The following PTPN4 variants were observed in gnomAD, a reference collection of about 807,000 sequenced individuals.
PTPN4 encodes tyrosine-protein phosphatase non-receptor type 4.
A neutral mutation model predicts 135.5 loss-of-function variants in PTPN4; 49 were observed. The observed-to-expected ratio is 0.36, with a 90% CI of 0.29 to 0.46. PTPN4 has a LOEUF of 0.46. PTPN4 is among the 20% of genes least tolerant of loss of function. The probability of loss-of-function intolerance (pLI) is 1.00; values close to 1 mark genes in which losing one functional copy is unlikely to be tolerated. For synonymous variants in PTPN4, 333 were observed against 369.9 expected (o/e 0.90, Z 1.14); for missense variants, 860 against 1,101.0 (o/e 0.78, Z 3.10).
intron 1 of PTPN4, among the ~76,000 whole-genome samples, chr2:119,765,043 G>A (rs1370314302): frequency 6.6e-6 from 1 of 152,178 alleles, no homozygotes; most frequent in Non-Finnish European, 1.5e-5. Context: ...TCTGAGTCAG[G>A]AGTCAAATCT....
intron 13 of PTPN4, among the ~76,000 whole-genome samples, chr2:119,927,026 T>C (rs1678834738): frequency 6.6e-6 from 1 of 152,018 alleles, no homozygotes; most frequent in African/African-American, 2.4e-5. Context: ...ATTTAAATTA[T>C]AATGTTAAGA....
At chr2:119,907,246 A>G (rs925820597) in intron 10 of PTPN4, among the ~76,000 whole-genome samples, 4 of 152,216 alleles carry the variant, frequency 2.6e-5, no homozygotes, top group Non-Finnish European at 2.9e-5. Context: ...TACAGATTCA[A>G]TGCAACATCT....
chr2:119,888,125 T>C (rs1380586805), intron 9 of PTPN4, among the ~76,000 whole-genome samples: 1 of 152,192 alleles, frequency 6.6e-6, no homozygotes, highest in Non-Finnish European at 1.5e-5. Context: ...GTAGCTATTG[T>C]AAATGGGATT....
chr2:119,919,806 A>T (rs904786760), intron 11 of PTPN4, among the ~76,000 whole-genome samples: 1 of 146,566 alleles, frequency 6.8e-6, no homozygotes, highest in African/African-American at 2.6e-5. Context: ...CATGGATGAC[A>T]GAGTGAGACT....
intron 1 of PTPN4, among the ~76,000 whole-genome samples, chr2:119,798,745 A>T (rs532809373): frequency 6.6e-6 from 1 of 152,252 alleles, no homozygotes; most frequent in Non-Finnish European, 1.5e-5. Flanking sequence ...CTTTAGGTCT[A>T]TATTTATTTG....
intron 10 of PTPN4, among the ~76,000 whole-genome samples, chr2:119,906,631 A>G (rs1462360406): frequency 6.6e-6 from 1 of 151,174 alleles, no homozygotes; most frequent in Non-Finnish European, 1.5e-5. Context: ...CATGATAAAA[A>G]CTCTCAACAA....
intron 1 of PTPN4, among the ~76,000 whole-genome samples, chr2:119,769,450 C>G (rs1284574107): frequency 6.6e-6 from 1 of 152,090 alleles, no homozygotes; most frequent in African/African-American, 2.4e-5. Context: ...GAGTGGGGAG[C>G]CAGGAAGTGG....
At chr2:119,831,928 C>G (rs547159831) in intron 2 of PTPN4, among the ~76,000 whole-genome samples, 4 of 152,300 alleles carry the variant, frequency 2.6e-5, no homozygotes, top group Non-Finnish European at 5.9e-5. Context: ...GGTTTTCTGA[C>G]TACGTCATAG....
At chr2:119,852,655 T>C (rs1462719268) in intron 2 of PTPN4, among the ~76,000 whole-genome samples, 1 of 152,200 alleles carries the variant, frequency 6.6e-6, no homozygotes, top group Admixed American at 6.5e-5. Flanking sequence ...AGATTTCTGC[T>C]CTTTCCTGTA....
Position 119,813,928 on chromosome 2 carries a change from A to AT in PTPN4, c.138+3937_138+3938insT, listed in dbSNP as rs957716176. On this transcript the variant is annotated intron_variant, in intron 2 of 26. Transcript: ENST00000263708. ...ATAGCTACCATATTTAAGGAGTCAG[A>AT]GATGATGAAAGACAGGTTTAATTTT... Among the ~76,000 whole-genome samples the AT allele has an allele frequency of 1.6e-4, 25 of 152,236 alleles. 1 individual carries two copies. Among genetic ancestry groups the AT allele is most frequent in the African/African-American group, 6.0e-4 (25 of 41,530 alleles).
chr2:119,918,142 A>G (rs191712594), intron 11 of PTPN4, among the ~76,000 whole-genome samples: 2 of 152,370 alleles, frequency 1.3e-5, no homozygotes. Context: ...ACTATTAACC[A>G]TAATTAAGAC....
intron 15 of PTPN4, among the ~76,000 whole-genome samples, chr2:119,939,749 C>G (rs184159544): frequency 6.6e-6 from 1 of 152,168 alleles, no homozygotes; most frequent in African/African-American, 2.4e-5. Flanking sequence ...TCCTCCACCC[C>G]TCTCAGCTAC....
chr2:119,970,577 C>T (rs1679517476), intron 26 of PTPN4, among the ~76,000 whole-genome samples: 1 of 152,174 alleles, frequency 6.6e-6, no homozygotes, highest in Non-Finnish European at 1.5e-5. Context: ...TCTTTTCTAA[C>T]TGGCTTCTTT....
At chr2:119,907,056 A>G (rs1355419608) in intron 10 of PTPN4, among the ~76,000 whole-genome samples, 6 of 152,238 alleles carry the variant, frequency 3.9e-5, no homozygotes, top group African/African-American at 1.2e-4. Flanking sequence ...TCTCATTTAC[A>G]GTACCTACCA....
At chr2:119,864,855 T>C (rs1677810048) in intron 3 of PTPN4, among the ~76,000 whole-genome samples, 1 of 152,144 alleles carries the variant, frequency 6.6e-6, no homozygotes, top group Non-Finnish European at 1.5e-5. Context: ...TCAAATAAGA[T>C]ACATTCCAAG....
chr2:119,793,970 C>G (rs111432390), intron 1 of PTPN4, among the ~76,000 whole-genome samples: 2 of 143,404 alleles, frequency 1.4e-5, no homozygotes, highest in Non-Finnish European at 3.0e-5. Context: ...ATCCTCCTAT[C>G]TCAACTGGGA....
intron 2 of PTPN4, among the ~76,000 whole-genome samples, chr2:119,812,131 G>T (rs536157510): frequency 6.6e-6 from 1 of 152,232 alleles, no homozygotes; most frequent in African/African-American, 2.4e-5. Context: ...GAGTTGCTTT[G>T]TACTTTTAGG....
intron 26 of PTPN4, among the ~76,000 whole-genome samples, chr2:119,969,552 C>CTTTTTTTTTTTT (rs35531556): frequency 1.8e-5 from 2 of 113,862 alleles, no homozygotes; most frequent in African/African-American, 3.5e-5. Flanking sequence ...TAATCAATTT[C>CTTTTTTTTTTTT]TTTTTTTTTT....
Position 119,801,231 on chromosome 2 carries a change from A to C in PTPN4, c.-17-8606A>C, listed in dbSNP as rs1423826386. On this transcript the variant is annotated intron_variant, in intron 1 of 26. Transcript: ENST00000263708. ...GCCTACTGAGTAGCTGGGATTACAAACATGCATCACCACGCCTGGCTAATT... is the reference window on the plus strand; with the variant it reads ...GCCTACTGAGTAGCTGGGATTACAACCATGCATCACCACGCCTGGCTAATT... Among the ~76,000 whole-genome samples the C allele has an allele frequency of 2.6e-5, 4 of 152,000 alleles. No individual in the cohort carries two copies. The East Asian group carries it at 7.8e-4, about 29-fold the overall frequency.
Sources: allele counts gnomAD v4.1 joint callset (sites outside exome capture counted in the v4.1 genomes callset), GRCh38; gene constraint gnomAD v4.1.1; transcripts MANE v1.5; gene names NCBI Gene and HGNC (gene_info 2026-07-23, HGNC 2026-07-21).